ZFYVE27: variants seen among roughly 807,000 people sequenced by gnomAD.
ZFYVE27 encodes zinc finger FYVE-type containing 27.
A neutral mutation model predicts 52.8 loss-of-function variants in ZFYVE27; 36 were observed. The ratio of observed to expected loss-of-function variants is 0.68; its 90% confidence interval spans 0.52 to 0.90. ZFYVE27 has a LOEUF of 0.90. Ranked by LOEUF, ZFYVE27 falls within the 40% of genes least tolerant of loss-of-function variation. The pLI is 0.00. For missense variants in ZFYVE27, 450 were observed against 527.2 expected (o/e 0.85, Z 1.43); for synonymous variants, 223 against 215.6 (o/e 1.03, Z -0.30).
In ZFYVE27 at chr10:97,757,548, T is replaced by G. The variant is rs901099164; in HGVS notation, c.1090-94T>G. On this transcript the variant is annotated intron_variant, in intron 11 of 12. Transcript: ENST00000684270. ...TGGGCACCCCCCAGGCCCAGTTTCC[T>G]TGGGTGGGATCAGCTGGTGGAAAGG... is the stretch of plus-strand genomic sequence containing the variant. 23 of 1,438,328 alleles carry G rather than the reference T, an allele frequency of 1.6e-5. No individual in the cohort carries two copies. The African/African-American group carries it at 3.2e-4, about 20-fold the overall frequency. The allele number at this position is 1,438,328 out of a possible 1,614,324, so 89.1% of individuals were successfully genotyped here.
chr10:97,759,348 T>C lies in ZFYVE27; in HGVS notation c.*48T>C. 1 of 1,601,130 alleles carries C rather than the reference T, an allele frequency of 6.2e-7. No homozygotes were observed. Among genetic ancestry groups the C allele is most frequent in the Non-Finnish European group, 8.6e-7 (1 of 1,168,368 alleles). On this transcript the variant is annotated 3_prime_UTR_variant, in exon 13 of 13. Transcript: ENST00000684270. ...AGGCACCCGTCCTTGGGACCAGCAG[T>C]AGACCCCCCACTCTCCCCACCCCTG... is the stretch of plus-strand genomic sequence containing the variant.
intron 10 of ZFYVE27, 73 bp downstream of exon 10, chr10:97,753,255 C>A: frequency 1.3e-6 from 2 of 1,547,426 alleles, no homozygotes; most frequent in Admixed American, 1.9e-5. Context: ...GGGGAACACC[C>A]AGCCACAGGG....
In ZFYVE27 at chr10:97,748,312, T is replaced by C. The variant is rs1251548704; in HGVS notation, c.499T>C (p.Cys167Arg). The C allele has an allele frequency of 3.7e-6, 6 of 1,614,172 alleles. No homozygotes were observed. The East Asian group carries it at 6.7e-5, about 18-fold the overall frequency. Residue 167 changes from cysteine to arginine, a missense_variant, in exon 5 of 13, where the codon TGT becomes CGT. By Grantham distance (180) the Cys-to-Arg change is radical. Transcript: ENST00000684270. Reference protein sequence around the residue: ...EAFLSRLCCTCEAAYRVLHWE... With the variant: ...EAFLSRLCCTREAAYRVLHWE... Reference sequence around the variant, plus strand: ...CTTCCTGAGCCGCCTGTGCTGCACATGTGAAGCCGCCTACCGCGTGCTGCA... The same window carrying C: ...CTTCCTGAGCCGCCTGTGCTGCACACGTGAAGCCGCCTACCGCGTGCTGCA...
At chr10:97,738,707 C>A in intron 2 of ZFYVE27, 33 bp downstream of exon 2, 1 of 1,612,366 alleles carries the variant, frequency 6.2e-7, no homozygotes, top group South Asian at 1.1e-5. Context: ...CTGGTCTGCT[C>A]TGCCTTCTGC....
intron 10 of ZFYVE27, among the ~76,000 whole-genome samples, chr10:97,753,974 A>G (rs2047675528): frequency 6.6e-6 from 1 of 152,228 alleles, no homozygotes; most frequent in Non-Finnish European, 1.5e-5. Flanking sequence ...GGCTCAGATC[A>G]GCAGCGCTGA....
At chr10:97,757,598 A>C in intron 11 of ZFYVE27, 44 bp from the exon 12 acceptor site, 1 of 1,598,030 alleles carries the variant, frequency 6.3e-7, no homozygotes, top group Non-Finnish European at 8.6e-7. Flanking sequence ...AACTCCAGGT[A>C]CCTGAGGGTG....
intron 10 of ZFYVE27, among the ~76,000 whole-genome samples, chr10:97,755,407 C>A (rs1260603045): frequency 1.3e-5 from 2 of 152,214 alleles, no homozygotes; most frequent in African/African-American, 2.4e-5. Context: ...CATCACAGTT[C>A]TGGAGGCTGG....
intron 1 of ZFYVE27, among the ~76,000 whole-genome samples, chr10:97,738,265 A>G (rs1256661579): frequency 6.6e-6 from 1 of 152,136 alleles, no homozygotes; most frequent in African/African-American, 2.4e-5. Context: ...CGCTGCAGCG[A>G]TCATTTATGC....
chr10:97,746,902 G>T (rs183802099), intron 4 of ZFYVE27, among the ~76,000 whole-genome samples: 5 of 152,078 alleles, frequency 3.3e-5, no homozygotes, highest in South Asian at 2.1e-4. Flanking sequence ...TCTTGCCCAG[G>T]CTGGCCTTGA....
At chr10:97,745,207 G>T (rs545453720) in intron 4 of ZFYVE27, among the ~76,000 whole-genome samples, 60 of 150,036 alleles carry the variant, frequency 4.0e-4, no homozygotes, top group Non-Finnish European at 6.3e-4. Flanking sequence ...ACAGAGTTTC[G>T]CTCTCGTTGT....
At chr10:97,743,695 A>G (rs1258403205) in intron 3 of ZFYVE27, among the ~76,000 whole-genome samples, 2 of 152,232 alleles carry the variant, frequency 1.3e-5, no homozygotes, top group African/African-American at 4.8e-5. Context: ...TGGTTCAGCT[A>G]GTGAGCCTAA....
chr10:97,758,472 C>G (rs568139523), intron 12 of ZFYVE27, among the ~76,000 whole-genome samples: 24 of 152,050 alleles, frequency 1.6e-4, no homozygotes, highest in African/African-American at 5.8e-4. Context: ...TACAGGCATG[C>G]GCCACCACAC....
intron 10 of ZFYVE27, among the ~76,000 whole-genome samples, chr10:97,754,315 T>C (rs1429166351): frequency 6.1e-4 from 14 of 22,978 alleles, no homozygotes; most frequent in Middle Eastern, 0.033. Flanking sequence ...CAAGATCCCT[T>C]TTTTTTTTTT....
intron 7 of ZFYVE27, among the ~76,000 whole-genome samples, chr10:97,750,743 T>C (rs1168336953): frequency 6.6e-6 from 1 of 151,864 alleles, no homozygotes; most frequent in Non-Finnish European, 1.5e-5. Context: ...TTCTTTTTTT[T>C]TTTTCCTTTT....
chr10:97,758,661 C>G (rs2049028680), intron 12 of ZFYVE27, among the ~76,000 whole-genome samples: 2 of 152,110 alleles, frequency 1.3e-5, no homozygotes. Flanking sequence ...CATATGCTTA[C>G]TAACTAGAAA....
rs1396584674 is a variant in ZFYVE27, at chr10:97,737,139, C to G, written c.-184C>G. On this transcript the variant is annotated 5_prime_UTR_variant, in exon 1 of 13. Transcript: ENST00000684270. ...CGCAGCCGCAGAGCGATTCGCGTCC[C>G]GGAAGCGGCGGTGGCGGCCGCGGCG... is the stretch of plus-strand genomic sequence containing the variant. 6.6e-6 allele frequency: 1 copy of G among 152,540 alleles called. No individual in the cohort carries two copies. The highest frequency in any genetic ancestry group is 1.5e-5 in the Non-Finnish European group (1 of 68,280). 9.4% of individuals were successfully genotyped at this position (152,540 alleles called of 1,614,324 possible). A position where few individuals can be genotyped will look rare whatever the true frequency, so the allele number is the denominator to read the frequency against.
intron 7 of ZFYVE27, among the ~76,000 whole-genome samples, chr10:97,751,144 G>A (rs896883788): frequency 6.6e-5 from 10 of 152,174 alleles, no homozygotes; most frequent in African/African-American, 2.4e-4. Flanking sequence ...CCAGCCCTGT[G>A]GTTCTAGAGC....
In ZFYVE27 at chr10:97,750,465, A is replaced by G; in HGVS notation, c.799A>G (p.Thr267Ala). 6.2e-7 allele frequency: 1 copy of G among 1,614,050 alleles called. No homozygotes were observed. Among genetic ancestry groups the G allele is most frequent in the South Asian group, 1.1e-5 (1 of 91,086 alleles). ...LMDSTPALTP[T>A]EDLTPGSVEE... The stretch of plus-strand genomic sequence containing the variant: ...GGACAGCACGCCTGCCCTCACACCC[A>G]CGGAGGTAAGTGCCACTGTCAGGGC... The change falls in exon 7 of 13, where the codon ACG becomes GCG. Residue 267 changes from threonine to alanine, a missense_variant. Coordinates refer to ENST00000684270, the MANE Select transcript of ZFYVE27 (RefSeq NM_001385875.1).
At chr10:97,737,749 C>T (rs1017522821) in intron 1 of ZFYVE27, among the ~76,000 whole-genome samples, 7 of 152,212 alleles carry the variant, frequency 4.6e-5, no homozygotes, top group African/African-American at 1.4e-4. Context: ...CGTAAAGGCT[C>T]CTCGGTTTCC....
Sources: allele counts gnomAD v4.1 joint callset (sites outside exome capture counted in the v4.1 genomes callset), GRCh38; gene constraint gnomAD v4.1.1; transcripts MANE v1.5; gene names NCBI Gene and HGNC (gene_info 2026-07-23, HGNC 2026-07-21).